The following CLIC5 variants were observed in gnomAD, a reference collection of about 807,000 sequenced individuals.
CLIC5 encodes CLIC family member 5.
Under a neutral mutation model 24.7 loss-of-function variants are expected in CLIC5, and 20 were observed. That is an observed-to-expected ratio of 0.81 (90% confidence interval 0.57 to 1.18). The LOEUF is 1.18. CLIC5 is among the 50% of genes most tolerant of loss of function. The pLI, the probability that CLIC5 is intolerant of heterozygous loss-of-function variation, is 0.00. For missense variants in CLIC5, 341 were observed against 326.1 expected (o/e 1.05, Z -0.35); for synonymous variants, 159 against 135.6 (o/e 1.17, Z -1.20).
chr6:45,921,625 G>A (rs963568431), intron 4 of CLIC5, among the ~76,000 whole-genome samples: 5 of 148,134 alleles, frequency 3.4e-5, no homozygotes, highest in African/African-American at 1.3e-4. Flanking sequence ...AGAAGAGATA[G>A]CTCAAGGCAG....
intron 4 of CLIC5, chr6:45,920,057 G>T: frequency 1.8e-6 from 1 of 558,558 alleles, no homozygotes; most frequent in Non-Finnish European, 2.3e-6. Flanking sequence ...CCTGACAGGT[G>T]CTGCAAAATG....
At chr6:45,912,925 TAAGGC>T in intron 5 of CLIC5, among the ~76,000 whole-genome samples, 1 of 152,246 alleles carries the variant, frequency 6.6e-6, no homozygotes, top group Non-Finnish European at 1.5e-5. Context: ...TCTTCAGCTC[TAAGGC>T]ATACGGAAAC....
intron 1 of CLIC5, among the ~76,000 whole-genome samples, chr6:45,984,941 G>A (rs116205171): frequency 0.016 from 2,450 of 152,244 alleles, 82 homozygotes; most frequent in African/African-American, 0.057. Flanking sequence ...CATCCTTGAC[G>A]TCATAGCTGC....
intron 4 of CLIC5, among the ~76,000 whole-genome samples, chr6:45,922,952 A>G (rs1022965102): frequency 1.3e-5 from 2 of 152,148 alleles, no homozygotes; most frequent in African/African-American, 2.4e-5. Context: ...GACTTTAGCC[A>G]TGGGGCAGTG....
intron 4 of CLIC5, among the ~76,000 whole-genome samples, chr6:45,927,783 GC>G (rs1763558996): frequency 1.3e-5 from 2 of 152,046 alleles, no homozygotes; most frequent in African/African-American, 4.8e-5. Flanking sequence ...AGAATTCAAA[GC>G]CATCTCTTTG....
chr6:46,118,048 T>A, the CLIC5 span, among the ~76,000 whole-genome samples: 1 of 152,176 alleles, frequency 6.6e-6, no homozygotes, highest in Non-Finnish European at 1.5e-5. Context: ...CAAGCCTGCC[T>A]ACATTTGAAG....
At chr6:45,903,433 A>G (rs1439337615) in intron 5 of CLIC5, among the ~76,000 whole-genome samples, 178 bp from the exon 6 acceptor site, 1 of 152,184 alleles carries the variant, frequency 6.6e-6, no homozygotes, top group African/African-American at 2.4e-5. Context: ...TTTTGTTTTA[A>G]TTTAATTTCT....
intron 1 of CLIC5, among the ~76,000 whole-genome samples, chr6:46,034,679 C>T (rs1199940663): frequency 2.6e-5 from 4 of 152,236 alleles, no homozygotes; most frequent in Admixed American, 2.6e-4. Flanking sequence ...CAGCCCATCT[C>T]TTTCTGCCTT....
chr6:45,951,089 C>T (rs901020105), intron 2 of CLIC5, among the ~76,000 whole-genome samples: 8 of 152,122 alleles, frequency 5.3e-5, no homozygotes, highest in African/African-American at 1.9e-4. Flanking sequence ...TTGCTGGGCC[C>T]AGTAGGATCT....
intron 4 of CLIC5, among the ~76,000 whole-genome samples, chr6:45,936,109 A>T (rs1187706561): frequency 6.6e-6 from 1 of 151,542 alleles, no homozygotes; most frequent in Non-Finnish European, 1.5e-5. Context: ...CTAAAGATGT[A>T]TAACCCCTCA....
chr6:46,113,373 A>AG, the CLIC5 span, among the ~76,000 whole-genome samples: 1 of 152,256 alleles, frequency 6.6e-6, no homozygotes, highest in African/African-American at 2.4e-5. Flanking sequence ...TTCGGGAAGA[A>AG]GGGGGGTGGC....
intron 1 of CLIC5, among the ~76,000 whole-genome samples, chr6:45,975,111 A>G (rs1765343733): frequency 6.6e-6 from 1 of 152,230 alleles, no homozygotes; most frequent in Admixed American, 6.5e-5. Context: ...AAAAGAAAGA[A>G]TATATGAAGA....
intron 4 of CLIC5, among the ~76,000 whole-genome samples, chr6:45,939,403 G>A (rs1031697914): frequency 1.3e-5 from 2 of 151,434 alleles, no homozygotes; most frequent in African/African-American, 4.9e-5. Flanking sequence ...TAGTGGAGAC[G>A]GGGGTCTCAG....
chr6:46,049,342 T>A (rs1226249912), intron 1 of CLIC5, among the ~76,000 whole-genome samples: 10 of 152,214 alleles, frequency 6.6e-5, no homozygotes, highest in African/African-American at 2.4e-5. Flanking sequence ...AAGTTACAAA[T>A]GCTCAAAAAT....
the CLIC5 span, among the ~76,000 whole-genome samples, chr6:46,110,451 A>G: frequency 2.6e-5 from 4 of 152,256 alleles, no homozygotes; most frequent in African/African-American, 2.4e-5. Flanking sequence ...AGTTACTTGC[A>G]TAATTTCAAT....
intron 1 of CLIC5, among the ~76,000 whole-genome samples, chr6:45,997,313 A>T (rs889882461): frequency 7.3e-6 from 1 of 137,414 alleles, no homozygotes; most frequent in Admixed American, 8.3e-5. Context: ...ATGAGATCAC[A>T]TGGACACAGG....
intron 1 of CLIC5, among the ~76,000 whole-genome samples, chr6:45,999,499 G>A (rs1216998817): frequency 2.0e-5 from 3 of 152,022 alleles, no homozygotes; most frequent in Non-Finnish European, 4.4e-5. Flanking sequence ...TATTATGTGT[G>A]TGTATACAGT....
chr6:45,948,972 C>T (rs916721638), intron 3 of CLIC5, among the ~76,000 whole-genome samples: 7 of 152,014 alleles, frequency 4.6e-5, no homozygotes, highest in Non-Finnish European at 8.8e-5. Flanking sequence ...CATACTGGGG[C>T]GAGGGAGGCC....
At chr6:46,103,518 T>C in the CLIC5 span, among the ~76,000 whole-genome samples, 6 of 152,182 alleles carry the variant, frequency 3.9e-5, no homozygotes, top group Non-Finnish European at 7.3e-5. Flanking sequence ...GTTTTATTTA[T>C]ATAACAAGAC....
Sources: gnomAD v4.1 joint callset for allele counts (sites outside exome capture counted in the v4.1 genomes callset) on GRCh38, gnomAD v4.1.1 for gene constraint, MANE v1.5 for transcripts, NCBI Gene and HGNC (gene_info 2026-07-23, HGNC 2026-07-21) for gene names.